KLF8: variants seen among roughly 807,000 people sequenced by gnomAD.
KLF8 encodes the protein KLF transcription factor 8, also known as Krueppel-like factor 8.
A neutral mutation model predicts 18.2 loss-of-function variants in KLF8; 10 were observed. The observed-to-expected ratio is 0.55, with a 90% confidence interval of 0.34 to 0.93. KLF8 has a LOEUF of 0.93. Among genes scored for constraint, KLF8 ranks in the 40% least tolerant of loss-of-function variants. The probability of loss-of-function intolerance (pLI) is 0.02; values close to 1 mark genes in which losing one functional copy is unlikely to be tolerated. For missense variants in KLF8, 264 were observed against 277.9 expected (o/e 0.95, Z 0.36); for synonymous variants, 109 against 97.3 (o/e 1.12, Z -0.71).
chrX:56,165,021 C>T, the KLF8 span, among the ~76,000 whole-genome samples: 54 of 94,762 alleles, frequency 5.7e-4, no homozygotes, highest in African/African-American at 1.7e-3. Flanking sequence ...TTTGTTCTTG[C>T]GATAGTTTAC....
chrX:56,149,439 AG>A, the KLF8 span, among the ~76,000 whole-genome samples: 2 of 110,488 alleles, frequency 1.8e-5, no homozygotes, highest in African/African-American at 6.6e-5. Flanking sequence ...TAGAAAGTGG[AG>A]GGGGGAGTGG....
intron 2 of KLF8, among the ~76,000 whole-genome samples, chrX:56,251,306 C>T (rs2066707165): frequency 8.9e-6 from 1 of 112,097 alleles, no homozygotes; most frequent in Non-Finnish European, 1.9e-5. Context: ...CTTGAAAATC[C>T]TTAAATCACC....
the KLF8 span, among the ~76,000 whole-genome samples, chrX:56,083,281 T>C: frequency 1.8e-5 from 2 of 112,313 alleles, no homozygotes; most frequent in East Asian, 5.6e-4. Flanking sequence ...ATGAGGTTCA[T>C]TTAACTCATT....
At chrX:56,041,840 C>A in the KLF8 span, among the ~76,000 whole-genome samples, 1 of 111,596 alleles carries the variant, frequency 9.0e-6, no homozygotes, top group African/African-American at 3.3e-5. Flanking sequence ...CAGGCACATG[C>A]CACAACACTC....
chrX:55,999,306 T>C, the KLF8 span, among the ~76,000 whole-genome samples: 57 of 103,752 alleles, frequency 5.5e-4, no homozygotes, highest in Admixed American at 1.5e-3. Flanking sequence ...TTGCTTCGTT[T>C]TGTTTTGACT....
chrX:56,102,594 G>A, the KLF8 span, among the ~76,000 whole-genome samples: 1 of 111,149 alleles, frequency 9.0e-6, no homozygotes, highest in South Asian at 3.8e-4. Context: ...TCATGAACAT[G>A]GGGTGTTTTT....
At chrX:56,050,413 A>C in the KLF8 span, among the ~76,000 whole-genome samples, 3 of 112,109 alleles carry the variant, frequency 2.7e-5, no homozygotes, top group African/African-American at 6.5e-5. Flanking sequence ...TTAGTGCTAT[A>C]AATTTCCCTC....
chrX:56,263,783 C>T (rs1169572177), intron 2 of KLF8, among the ~76,000 whole-genome samples: 1 of 112,005 alleles, frequency 8.9e-6, no homozygotes, highest in African/African-American at 3.2e-5. Context: ...CGAGATTTTT[C>T]CACTTGCTTT....
chrX:56,024,737 A>C, the KLF8 span, among the ~76,000 whole-genome samples: 1 of 111,778 alleles, frequency 8.9e-6, no homozygotes, highest in Non-Finnish European at 1.9e-5. Context: ...CTTCCATACA[A>C]TGTCTGGAAT....
At chrX:56,219,219 A>G in the KLF8 span, among the ~76,000 whole-genome samples, 1 of 112,364 alleles carries the variant, frequency 8.9e-6, no homozygotes, top group Non-Finnish European at 1.9e-5. Context: ...AATAAAGGCG[A>G]AGTTTAAATT....
chrX:56,051,524 A>C, the KLF8 span, among the ~76,000 whole-genome samples: 1 of 110,054 alleles, frequency 9.1e-6, no homozygotes, highest in Non-Finnish European at 1.9e-5. Flanking sequence ...TCCTTCACTT[A>C]TGAAGCTTAG....
chrX:56,245,575 C>T (rs1030726305), intron 1 of KLF8, among the ~76,000 whole-genome samples: 1 of 111,727 alleles, frequency 9.0e-6, no homozygotes, highest in African/African-American at 3.3e-5. Context: ...CTGTTTCCTT[C>T]TATAGGACCC....
upstream of KLF8, among the ~76,000 whole-genome samples, chrX:56,229,524 A>G (rs758906592): frequency 8.9e-6 from 1 of 111,849 alleles, no homozygotes; most frequent in African/African-American, 3.2e-5. Context: ...AGTTCCCCAT[A>G]CCTGCTCCCT....
At chrX:56,172,882 CT>C in the KLF8 span, among the ~76,000 whole-genome samples, 1 of 111,931 alleles carries the variant, frequency 8.9e-6, no homozygotes, top group Non-Finnish European at 1.9e-5. Context: ...TTTCATGTGT[CT>C]TTTGGCTGCA....
the KLF8 span, among the ~76,000 whole-genome samples, chrX:55,996,263 G>C: frequency 7.2e-5 from 8 of 110,960 alleles, no homozygotes; most frequent in African/African-American, 2.6e-4. Flanking sequence ...CTCTTGTATT[G>C]TTTTACTGGA....
At chrX:56,076,332 T>C in the KLF8 span, among the ~76,000 whole-genome samples, 2 of 82,581 alleles carry the variant, frequency 2.4e-5, no homozygotes, top group Admixed American at 3.4e-4. Flanking sequence ...GATGTTCCCC[T>C]TCCTGTGTCC....
chrX:56,110,046 T>C, the KLF8 span, among the ~76,000 whole-genome samples: 1 of 111,444 alleles, frequency 9.0e-6, no homozygotes, highest in Non-Finnish European at 1.9e-5. Flanking sequence ...TTTGGTTTTC[T>C]GTTTCTGCGT....
the KLF8 span, among the ~76,000 whole-genome samples, chrX:56,064,109 A>T: frequency 1.4e-3 from 135 of 98,616 alleles, no homozygotes; most frequent in Middle Eastern, 5.1e-3. Context: ...ATACATATAT[A>T]CGTATGTGTG....
the KLF8 span, among the ~76,000 whole-genome samples, chrX:56,055,370 A>C: frequency 9.0e-6 from 1 of 111,325 alleles, no homozygotes; most frequent in South Asian, 3.8e-4. Flanking sequence ...TCTGTGTTGG[A>C]GTTTATTTTC....
Sources: gnomAD v4.1 joint callset for allele counts (sites outside exome capture counted in the v4.1 genomes callset) on GRCh38, gnomAD v4.1.1 for gene constraint, MANE v1.5 for transcripts, NCBI Gene and HGNC (gene_info 2026-07-23, HGNC 2026-07-21) for gene names.